The following JARID2 variants were observed in gnomAD, a reference collection of about 807,000 sequenced individuals.
JARID2 encodes the protein protein Jumonji.
JARID2 carries 21 observed loss-of-function variants against 125.6 expected under a neutral mutation model. The ratio of observed to expected loss-of-function variants is 0.17; its 90% CI spans 0.12 to 0.24. The LOEUF is 0.24. Ranked by LOEUF, JARID2 falls within the 10% of genes least tolerant of loss-of-function variation. The probability of loss-of-function intolerance (pLI) is 1.00; values close to 1 mark genes in which losing one functional copy is unlikely to be tolerated. For synonymous variants in JARID2, 736 were observed against 661.6 expected (o/e 1.11, Z -1.73); for missense variants, 1,303 against 1,639.6 (o/e 0.79, Z 3.55).
chr6:15,358,481 AT>A (rs1763681986), intron 1 of JARID2, among the ~76,000 whole-genome samples: 2 of 152,274 alleles, frequency 1.3e-5, no homozygotes, highest in African/African-American at 4.8e-5. Context: ...TGACTCAGAG[AT>A]TCAGGGTTAA....
chr6:15,513,383 G>C lies in JARID2; in HGVS notation c.3411G>C (p.Arg1137Ser), dbSNP rs1771374085. Reference protein sequence around the residue: ...RKWLQLETSERRCQICQHLCY... With the variant: ...RKWLQLETSESRCQICQHLCY... ...GGCTGCAGTTGGAGACGTCAGAGAG[G>C]AGGTGTCAGATCTGCCAGCACCTGT... Residue 1137 changes from arginine (R) to serine (S), a missense_variant, in exon 16 of 18, where the codon AGG (arginine) becomes AGC (serine). Arg to Ser is a moderately radical substitution (Grantham distance 110, BLOSUM62 -1). Coordinates refer to ENST00000341776, the MANE Select transcript of JARID2 (RefSeq NM_004973.4). 6.2e-7 allele frequency: 1 copy of C among 1,612,470 alleles called. No homozygotes were observed. Among genetic ancestry groups the C allele is most frequent in the Non-Finnish European group, 8.5e-7 (1 of 1,179,254 alleles).
At chr6:15,314,686 A>G (rs1762122706) in intron 1 of JARID2, among the ~76,000 whole-genome samples, 1 of 152,222 alleles carries the variant, frequency 6.6e-6, no homozygotes, top group African/African-American at 2.4e-5. Flanking sequence ...GCCTTGGAAC[A>G]GTGTCACAGA....
chr6:15,315,723 G>A (rs1187806251), intron 1 of JARID2, among the ~76,000 whole-genome samples: 1 of 152,180 alleles, frequency 6.6e-6, no homozygotes, highest in Non-Finnish European at 1.5e-5. Context: ...GCCCAATTCT[G>A]TTTTTTCAAG....
chr6:15,247,955 C>T (rs1759247228), intron 1 of JARID2: 4 of 985,496 alleles, frequency 4.1e-6, no homozygotes, highest in Non-Finnish European at 4.8e-6. Context: ...CTTCCCGGGG[C>T]ACGTCCGTTT....
chr6:15,396,611 A>G (rs1765230482), intron 2 of JARID2, among the ~76,000 whole-genome samples: 1 of 152,206 alleles, frequency 6.6e-6, no homozygotes, highest in African/African-American at 2.4e-5. Context: ...TTATACATAA[A>G]TACTGTACAG....
At position 15,427,690 on chromosome 6, in the gene JARID2, C is replaced by T. The variant is rs79587171; in HGVS notation, c.323+17325C>T. Reference sequence around the variant, plus strand: ...TCTTTTTCAGCAGTTTCTGACCCTCCTGGGAACATTTGATCAGTTCCTGAA... The same window carrying T: ...TCTTTTTCAGCAGTTTCTGACCCTCTTGGGAACATTTGATCAGTTCCTGAA... On this transcript the variant is annotated intron_variant, in intron 3 of 17. Coordinates refer to ENST00000341776, the MANE Select transcript of JARID2 (RefSeq NM_004973.4). Among the ~76,000 whole-genome samples, 1,041 of 152,226 alleles carry T rather than the reference C, an allele frequency of 6.8e-3. 7 individuals carry two copies. Among genetic ancestry groups the T allele is most frequent in the African/African-American group, 0.024 (988 of 41,516 alleles).
chr6:15,445,547 CA>C (rs1398949072), intron 3 of JARID2, among the ~76,000 whole-genome samples: 14 of 152,134 alleles, frequency 9.2e-5, no homozygotes, highest in African/African-American at 3.4e-4. Flanking sequence ...GGGGAAAGGA[CA>C]ATAGGGATCT....
At chr6:15,378,032 G>C (rs924435211) in intron 2 of JARID2, among the ~76,000 whole-genome samples, 1 of 151,152 alleles carries the variant, frequency 6.6e-6, no homozygotes, top group Non-Finnish European at 1.5e-5. Flanking sequence ...TTACAGACAC[G>C]CGCCACCACA....
At chr6:15,432,829 TAA>T (rs1235725797) in intron 3 of JARID2, among the ~76,000 whole-genome samples, 1 of 152,228 alleles carries the variant, frequency 6.6e-6, no homozygotes, top group Non-Finnish European at 1.5e-5. Context: ...AAAAGCTACT[TAA>T]AAGTGTCTGA....
intron 1 of JARID2, among the ~76,000 whole-genome samples, chr6:15,300,233 A>G (rs1261089048): frequency 6.6e-6 from 1 of 152,160 alleles, no homozygotes; most frequent in Non-Finnish European, 1.5e-5. Context: ...TTCTTTGACC[A>G]CAGGACCTTT....
Position 15,359,312 on chromosome 6 carries a change from T to C in JARID2, c.46-14805T>C, listed in dbSNP as rs139051905. Among the ~76,000 whole-genome samples, 158 of 152,366 alleles carry C rather than the reference T, an allele frequency of 1.0e-3. 1 individual carries two copies. Among genetic ancestry groups the C allele is most frequent in the African/African-American group, 3.3e-3 (139 of 41,596 alleles). Reference sequence around the variant, plus strand: ...GATGTTGCGCTGCTGTATACTTTACTGTCCCAACAGCTTTTCTGACGGTAT... The same window carrying C: ...GATGTTGCGCTGCTGTATACTTTACCGTCCCAACAGCTTTTCTGACGGTAT... On this transcript the variant is annotated intron_variant, in intron 1 of 17. Coordinates refer to ENST00000341776, the MANE Select transcript of JARID2 (RefSeq NM_004973.4).
chr6:15,246,590 T>G lies in JARID2; in HGVS notation c.45+6T>G. ...ATATCATTCAGAAGAAATACGTAAG[T>G]GCTCCTAACAACACATCCTTTGACT... On this transcript the variant is annotated splice_donor_region_variant and intron_variant, in intron 1 of 17. Coordinates refer to ENST00000341776, the MANE Select transcript of JARID2 (RefSeq NM_004973.4). 6.2e-7 allele frequency: 1 copy of G among 1,610,564 alleles called. No homozygotes were observed. Among genetic ancestry groups the G allele is most frequent in the Non-Finnish European group, 8.5e-7 (1 of 1,176,816 alleles).
intron 1 of JARID2, among the ~76,000 whole-genome samples, chr6:15,353,546 G>A (rs749448498): frequency 1.3e-5 from 2 of 152,132 alleles, no homozygotes; most frequent in Non-Finnish European, 2.9e-5. Context: ...TTCCAAAATC[G>A]AATGCCAATT....
chr6:15,363,503 C>T (rs1217556637), intron 1 of JARID2, among the ~76,000 whole-genome samples: 1 of 152,164 alleles, frequency 6.6e-6, no homozygotes, highest in Non-Finnish European at 1.5e-5. Context: ...CTCTTTCCAC[C>T]TGCCACCTGT....
At chr6:15,501,506 T>C (rs1770733051) in intron 8 of JARID2, 97 bp downstream of exon 8, 2 of 1,236,852 alleles carry the variant, frequency 1.6e-6, no homozygotes, top group African/African-American at 3.2e-5. Flanking sequence ...GTGTGTTCTC[T>C]GATTCCCTGG....
At chr6:15,467,378 C>G (rs1030631838) in intron 4 of JARID2, among the ~76,000 whole-genome samples, 1 of 152,116 alleles carries the variant, frequency 6.6e-6, no homozygotes, top group African/African-American at 2.4e-5. Flanking sequence ...CAAGAGAAGA[C>G]ATGAATTTTG....
intron 5 of JARID2, among the ~76,000 whole-genome samples, chr6:15,476,120 C>T (rs746030793): frequency 8.5e-5 from 13 of 152,166 alleles, no homozygotes; most frequent in Non-Finnish European, 1.3e-4. Context: ...GAGGGATCAC[C>T]CCTGCTGAAA....
intron 4 of JARID2, among the ~76,000 whole-genome samples, chr6:15,456,666 A>G (rs1358475610): frequency 2.6e-5 from 4 of 152,038 alleles, no homozygotes; most frequent in Non-Finnish European, 2.9e-5. Flanking sequence ...GATGCTTATT[A>G]TAGCTTCATG....
intron 3 of JARID2, 99 bp downstream of exon 3, chr6:15,410,464 T>C: frequency 8.4e-7 from 1 of 1,196,354 alleles, no homozygotes; most frequent in Admixed American, 2.1e-5. Flanking sequence ...ATTCACCCAA[T>C]CTCTTGATTT....
Sources: gnomAD v4.1 joint callset for allele counts (sites outside exome capture counted in the v4.1 genomes callset) on GRCh38, gnomAD v4.1.1 for gene constraint, MANE v1.5 for transcripts, NCBI Gene and HGNC (gene_info 2026-07-23, HGNC 2026-07-21) for gene names.